PIP4K2C: variants seen among roughly 807,000 people sequenced by gnomAD.
PIP4K2C encodes phosphatidylinositol 5-phosphate 4-kinase type-2 gamma.
A neutral mutation model predicts 45.0 loss-of-function variants in PIP4K2C; 21 were observed. That is an observed-to-expected ratio of 0.47 (90% CI 0.33 to 0.67). The LOEUF is 0.67. Among genes scored for constraint, PIP4K2C ranks in the 30% least tolerant of loss-of-function variants. The pLI is 0.02. For synonymous variants in PIP4K2C, 201 were observed against 204.8 expected, an observed-to-expected ratio of 0.98 and a Z score of 0.16; for missense variants, 456 against 542.8, an observed-to-expected ratio of 0.84 and a Z score of 1.59.
rs997415218 is a variant in PIP4K2C, at chr12:57,602,995, G to A, written c.*1389G>A. ...GACATAAAGCTGGGCATCAGCAACT[G>A]GCCTGTGGTGATGCAAAGCTGCTTT... On this transcript the variant is annotated 3_prime_UTR_variant, in exon 10 of 10. Coordinates refer to ENST00000354947, the MANE Select transcript of PIP4K2C (RefSeq NM_024779.5). 3 of 151,860 alleles carry A rather than the reference G, an allele frequency of 2.0e-5. No homozygotes were observed. The highest frequency in any genetic ancestry group is 1.3e-4 in the Admixed American group (2 of 15,244). The allele number at this position is 151,860 out of a possible 1,614,324, so 9.4% of individuals were successfully genotyped here.
At chr12:57,591,946 C>T (rs550176810) in intron 1 of PIP4K2C, among the ~76,000 whole-genome samples, 1 of 152,268 alleles carries the variant, frequency 6.6e-6, no homozygotes, top group South Asian at 2.1e-4. Flanking sequence ...TTGGTTTTGT[C>T]TCGGGGAAGC....
intron 1 of PIP4K2C, among the ~76,000 whole-genome samples, chr12:57,592,448 T>G (rs963178400): frequency 1.3e-5 from 2 of 152,206 alleles, no homozygotes; most frequent in African/African-American, 4.8e-5. Context: ...TTTGTCACAT[T>G]TTTAATTTGT....
rs1300648524 is a variant in PIP4K2C at position 57,603,409 on chromosome 12, TCAATC to T, written c.*1807_*1811del. 1.3e-5 allele frequency: 2 copies of T among 151,872 alleles called. No individual in the cohort carries two copies. Among genetic ancestry groups the T allele is most frequent in the African/African-American group, 2.4e-5 (1 of 41,384 alleles). 9.4% of individuals were successfully genotyped at this position (151,872 alleles called of 1,614,324 possible). A position where few individuals can be genotyped will look rare whatever the true frequency, so the allele number is the denominator to read the frequency against. On this transcript the variant is annotated 3_prime_UTR_variant, in exon 10 of 10. Transcript: ENST00000354947. Reference sequence around the variant, plus strand: ...TATAATAATACAGGGAATAAATTATTCAATCCAAATTTCTGTACAGAAATGCCTTT... The same window carrying T: ...TATAATAATACAGGGAATAAATTATTCAAATTTCTGTACAGAAATGCCTTT...
At position 57,603,069 on chromosome 12, in the gene PIP4K2C, A is replaced by G. The variant is rs1667823341; in HGVS notation, c.*1463A>G. On this transcript the variant is annotated 3_prime_UTR_variant, in exon 10 of 10. Transcript: ENST00000354947. ...CTGTCTCACAAGAAGCCATGAGGCC[A>G]TAGGGAGAAGCTCCCTCTCCCCTTC... 3 of 152,380 alleles carry G rather than the reference A, an allele frequency of 2.0e-5. No homozygotes were observed. Among genetic ancestry groups the G allele is most frequent in the African/African-American group, 7.2e-5 (3 of 41,424 alleles). 9.4% of individuals were successfully genotyped at this position (152,380 alleles called of 1,614,324 possible). A position where few individuals can be genotyped will look rare whatever the true frequency, so the allele number is the denominator to read the frequency against.
Position 57,602,972 on chromosome 12 carries a change from CAT to C in PIP4K2C, c.*1368_*1369del, listed in dbSNP as rs1325936352. 1 of 150,202 alleles carries C rather than the reference CAT, an allele frequency of 6.7e-6. No homozygotes were observed. Among genetic ancestry groups the C allele is most frequent in the East Asian group, 1.9e-4 (1 of 5,180 alleles). 9.3% of individuals were successfully genotyped at this position (150,202 alleles called of 1,614,324 possible). ...GGCTTCCACTTTTTTTTTTTTTAGA[CAT>C]AAAGCTGGGCATCAGCAACTGGCCT... On this transcript the variant is annotated 3_prime_UTR_variant, in exon 10 of 10. Coordinates refer to ENST00000354947, the MANE Select transcript of PIP4K2C (RefSeq NM_024779.5).
rs1167366600 is a variant in PIP4K2C, at chr12:57,599,260, G to GA, written c.660+51dup. ...TAGAGGGAGGCTCCTGATAGCCTGA[G>GA]AATGGGGAAGACCCTGGGAGGTCTT... On this transcript the variant is annotated intron_variant, in intron 5 of 9. Transcript: ENST00000354947. 5 of 1,609,624 alleles carry GA rather than the reference G, an allele frequency of 3.1e-6. No homozygotes were observed. In the African/African-American group the frequency reaches 6.7e-5, roughly 22 times the overall value.
At chr12:57,594,392 G>A (rs1198529075) in intron 2 of PIP4K2C, among the ~76,000 whole-genome samples, 2 of 152,082 alleles carry the variant, frequency 1.3e-5, no homozygotes. Flanking sequence ...TGACCTTGGA[G>A]ATGCCATGAG....
intron 1 of PIP4K2C, among the ~76,000 whole-genome samples, chr12:57,592,610 T>G (rs1258696512): frequency 6.6e-6 from 1 of 152,132 alleles, no homozygotes; most frequent in Non-Finnish European, 1.5e-5. Flanking sequence ...GGGCTGCCTC[T>G]CATATGTACC....
chr12:57,593,062 A>G (rs1416368680), intron 1 of PIP4K2C, among the ~76,000 whole-genome samples: 2 of 152,086 alleles, frequency 1.3e-5, no homozygotes, highest in Admixed American at 1.3e-4. Flanking sequence ...CATTTATTCA[A>G]TTAATAGACA....
chr12:57,601,514 C>T lies in PIP4K2C; in HGVS notation c.1186-12C>T, dbSNP rs749278567. On this transcript the variant is annotated splice_polypyrimidine_tract_variant and intron_variant, in intron 9 of 9. Transcript: ENST00000354947. ...GGTGGCCTGACATATTGTTCCGTAT[C>T]TCCTCTCACAGGCTGGGGCAGAGAT... 6.2e-7 allele frequency: 1 copy of T among 1,609,270 alleles called. No individual in the cohort carries two copies. Among genetic ancestry groups the T allele is most frequent in the East Asian group, 2.2e-5 (1 of 44,848 alleles).
intron 1 of PIP4K2C, among the ~76,000 whole-genome samples, chr12:57,592,036 C>A (rs888518097): frequency 1.3e-5 from 2 of 152,152 alleles, no homozygotes; most frequent in Non-Finnish European, 2.9e-5. Flanking sequence ...GAAGCTACCC[C>A]ACCCTGAGCT....
chr12:57,595,850 A>G (rs2140186351), intron 3 of PIP4K2C, 38 bp from the exon 4 acceptor site: 1 of 1,609,860 alleles, frequency 6.2e-7, no homozygotes, highest in Non-Finnish European at 8.5e-7. Context: ...GCATATAAAG[A>G]GGGAGGAAAA....
intron 8 of PIP4K2C, 60 bp downstream of exon 8, chr12:57,601,138 A>G: frequency 1.3e-5 from 21 of 1,603,206 alleles, no homozygotes; most frequent in Non-Finnish European, 1.7e-5. Context: ...GACAGAGACC[A>G]GAGTGCTGGG....
chr12:57,602,014 T>C lies in PIP4K2C; in HGVS notation c.*408T>C. 1 of 210,288 alleles carries C rather than the reference T, an allele frequency of 4.8e-6. No homozygotes were observed. The highest frequency in any genetic ancestry group is 8.8e-5 in the South Asian group (1 of 11,376). 13.0% of individuals were successfully genotyped at this position (210,288 alleles called of 1,614,324 possible). On this transcript the variant is annotated 3_prime_UTR_variant, in exon 10 of 10. Coordinates refer to ENST00000354947, the MANE Select transcript of PIP4K2C (RefSeq NM_024779.5). The stretch of plus-strand genomic sequence containing the variant: ...AGCAACTACTCTGGATGCACTTTGC[T>C]GTGTGGGATGAACTAAAAGTGTCTG...
chr12:57,599,049 C>T lies in PIP4K2C; in HGVS notation c.514-16C>T, dbSNP rs151164588. ...TACTCAGCCTCTCCCCATTCCTTCC[C>T]CCTCTTTCACTGTAGTACATTGTGA... On this transcript the variant is annotated splice_polypyrimidine_tract_variant and intron_variant, in intron 4 of 9. Coordinates refer to ENST00000354947, the MANE Select transcript of PIP4K2C (RefSeq NM_024779.5). 1.2e-5 allele frequency: 19 copies of T among 1,612,152 alleles called. No homozygotes were observed. Among genetic ancestry groups the T allele is most frequent in the Middle Eastern group, 1.7e-4 (1 of 6,060 alleles).
At chr12:57,601,418 A>T (rs748261873) in intron 9 of PIP4K2C, 70 bp downstream of exon 9, 64 of 1,540,468 alleles carry the variant, frequency 4.2e-5, no homozygotes, top group Non-Finnish European at 5.6e-5. Context: ...CTTGTGCCAG[A>T]GCAATGGGGT....
In PIP4K2C at chr12:57,595,262, C is replaced by T. The variant is rs773935381; in HGVS notation, c.369+40C>T. ...AGGGGTGAGGGTAGCCCTTTCTCCCCAGCAACTGAGGAGTACTATTTGGGA... is the reference window on the plus strand; with the variant it reads ...AGGGGTGAGGGTAGCCCTTTCTCCCTAGCAACTGAGGAGTACTATTTGGGA... On this transcript the variant is annotated intron_variant, in intron 3 of 9. Coordinates refer to ENST00000354947, the MANE Select transcript of PIP4K2C (RefSeq NM_024779.5). The T allele has an allele frequency of 1.1e-5, 14 of 1,292,152 alleles. No homozygotes were observed. In the East Asian group the frequency reaches 3.2e-4, roughly 30 times the overall value. 80.0% of individuals were successfully genotyped at this position (1,292,152 alleles called of 1,614,324 possible).
At chr12:57,599,547 G>T in intron 6 of PIP4K2C, 109 bp downstream of exon 6, 1 of 1,216,778 alleles carries the variant, frequency 8.2e-7, no homozygotes, top group South Asian at 1.2e-5. Context: ...GGGATTACTA[G>T]CTATTTATTA....
At chr12:57,596,157 A>G in intron 4 of PIP4K2C, 126 bp downstream of exon 4, 1 of 1,206,974 alleles carries the variant, frequency 8.3e-7, no homozygotes. Flanking sequence ...AATCATATCC[A>G]GCCCTAAATG....
Sources: allele counts gnomAD v4.1 joint callset (sites outside exome capture counted in the v4.1 genomes callset), GRCh38; gene constraint gnomAD v4.1.1; transcripts MANE v1.5; gene names NCBI Gene and HGNC (gene_info 2026-07-23, HGNC 2026-07-21).